The following CDKAL1 variants were observed in gnomAD, a reference collection of about 807,000 sequenced individuals.
The protein encoded by CDKAL1 is CDKAL1 threonylcarbamoyladenosine tRNA methylthiotransferase, also known as threonylcarbamoyladenosine tRNA methylthiotransferase.
In CDKAL1, 32 loss-of-function variants were observed where a neutral mutation model predicts 68.2. The observed-to-expected ratio is 0.47, with a 90% CI of 0.35 to 0.63. The LOEUF (loss-of-function observed/expected upper bound fraction) is 0.63. Among genes scored for constraint, CDKAL1 ranks in the 30% least tolerant of loss-of-function variants. The pLI is 0.00. For missense variants in CDKAL1, 606 were observed against 696.7 expected (o/e 0.87, Z 1.47); for synonymous variants, 234 against 244.3 (o/e 0.96, Z 0.39).
At chr6:21,202,687 T>C (rs1052030965) in intron 15 of CDKAL1, among the ~76,000 whole-genome samples, 2 of 152,218 alleles carry the variant, frequency 1.3e-5, no homozygotes, top group East Asian at 3.8e-4. Context: ...CATGTTTGCC[T>C]CTTGGAAAGG....
chr6:21,155,577 T>C (rs1776605154), intron 13 of CDKAL1, among the ~76,000 whole-genome samples: 1 of 152,212 alleles, frequency 6.6e-6, no homozygotes. Flanking sequence ...TGAAAGCTCT[T>C]TAAGAGCAGG....
chr6:20,900,693 A>T (rs573826078), intron 9 of CDKAL1, among the ~76,000 whole-genome samples: 1 of 152,216 alleles, frequency 6.6e-6, no homozygotes, highest in East Asian at 1.9e-4. Context: ...TTTTCATGCA[A>T]TCACCTTGTT....
At chr6:20,581,032 G>A (rs908242645) in intron 4 of CDKAL1, among the ~76,000 whole-genome samples, 1 of 152,074 alleles carries the variant, frequency 6.6e-6, no homozygotes. Context: ...CAGGTGATCC[G>A]CCCACCTTGG....
At chr6:20,609,175 A>G (rs1326459460) in intron 4 of CDKAL1, among the ~76,000 whole-genome samples, 1 of 151,880 alleles carries the variant, frequency 6.6e-6, no homozygotes, top group African/African-American at 2.4e-5. Flanking sequence ...GCAAGTATGT[A>G]TTTTTCGATT....
At chr6:20,965,514 A>G (rs2150744917) in intron 10 of CDKAL1, among the ~76,000 whole-genome samples, 1 of 152,258 alleles carries the variant, frequency 6.6e-6, no homozygotes, top group South Asian at 2.1e-4. Flanking sequence ...TTGAGGAAAA[A>G]TACTCTTTTA....
intron 5 of CDKAL1, among the ~76,000 whole-genome samples, chr6:20,650,107 C>G (rs13209457): frequency 0.23 from 35,047 of 152,050 alleles, 4,395 homozygotes; most frequent in African/African-American, 0.3. Flanking sequence ...ATCAAATGGC[C>G]TTTCTGGTTC....
intron 8 of CDKAL1, among the ~76,000 whole-genome samples, chr6:20,813,504 G>A (rs957753292): frequency 9.9e-5 from 15 of 152,038 alleles, no homozygotes; most frequent in African/African-American, 3.6e-4. Context: ...TGTACTTTTT[G>A]TGTTTCACAT....
chr6:20,899,485 C>G (rs967187137), intron 9 of CDKAL1, among the ~76,000 whole-genome samples: 12 of 152,174 alleles, frequency 7.9e-5, no homozygotes, highest in African/African-American at 2.4e-4. Context: ...CTTTTTAAAA[C>G]CACTTACTGG....
In CDKAL1 at chr6:21,201,289, C is replaced by A; in HGVS notation, c.1548+15C>A. On this transcript the variant is annotated intron_variant, in intron 15 of 15. Transcript: ENST00000274695. ...GTTTGACAAAGGTAAGTAAAAGATG[C>A]TCTCCTCTCTACCCTGCTAGTAAAA... 6.3e-7 allele frequency: 1 copy of A among 1,598,052 alleles called. No homozygotes were observed. Among genetic ancestry groups the A allele is most frequent in the South Asian group, 1.1e-5 (1 of 90,152 alleles).
intron 5 of CDKAL1, among the ~76,000 whole-genome samples, chr6:20,731,168 G>A (rs765116625): frequency 6.6e-6 from 1 of 152,218 alleles, no homozygotes; most frequent in Non-Finnish European, 1.5e-5. Context: ...GGTAGTTAGA[G>A]CTTCGTAGGC....
At chr6:20,636,154 A>G (rs1767895514) in intron 4 of CDKAL1, among the ~76,000 whole-genome samples, 1 of 152,096 alleles carries the variant, frequency 6.6e-6, no homozygotes, top group African/African-American at 2.4e-5. Flanking sequence ...TTCAGGGGAG[A>G]CAAGAGGGAC....
At chr6:20,959,548 C>CTT (rs752785251) in intron 10 of CDKAL1, among the ~76,000 whole-genome samples, 17 of 143,926 alleles carry the variant, frequency 1.2e-4, no homozygotes, top group African/African-American at 2.5e-4. Flanking sequence ...TCCTCTATAT[C>CTT]TTTTTTTTTT....
chr6:20,811,305 A>G (rs1365682123), intron 8 of CDKAL1, among the ~76,000 whole-genome samples: 1 of 152,216 alleles, frequency 6.6e-6, no homozygotes, highest in Non-Finnish European at 1.5e-5. Flanking sequence ...CTGACTTAAC[A>G]TTCTGCATTT....
At chr6:21,166,703 A>G (rs1270482210) in intron 13 of CDKAL1, among the ~76,000 whole-genome samples, 1 of 152,218 alleles carries the variant, frequency 6.6e-6, no homozygotes, top group African/African-American at 2.4e-5. Flanking sequence ...ATTTTGATTG[A>G]AAAGGAAAAT....
chr6:20,590,140 T>C (rs1249672685), intron 4 of CDKAL1, among the ~76,000 whole-genome samples: 1 of 152,148 alleles, frequency 6.6e-6, no homozygotes, highest in East Asian at 1.9e-4. Context: ...GTATTAACAG[T>C]TGTTAATACT....
chr6:20,987,408 C>A (rs918448800), intron 10 of CDKAL1, among the ~76,000 whole-genome samples: 2 of 152,006 alleles, frequency 1.3e-5, no homozygotes, highest in Admixed American at 1.3e-4. Flanking sequence ...GTGTGCACCA[C>A]CAAACCCAGC....
At chr6:20,610,248 A>T (rs1280991957) in intron 4 of CDKAL1, among the ~76,000 whole-genome samples, 3 of 152,168 alleles carry the variant, frequency 2.0e-5, no homozygotes, top group Non-Finnish European at 4.4e-5. Context: ...ATACACTTGC[A>T]TGTGTCTTTA....
chr6:20,763,881 T>C (rs1356500152), intron 7 of CDKAL1, among the ~76,000 whole-genome samples: 2 of 152,156 alleles, frequency 1.3e-5, no homozygotes, highest in Admixed American at 6.5e-5. Flanking sequence ...ACTCCATTCA[T>C]TTGTGGTTTT....
intron 8 of CDKAL1, among the ~76,000 whole-genome samples, chr6:20,821,598 T>C (rs1470504413): frequency 7.0e-6 from 1 of 142,910 alleles, no homozygotes; most frequent in African/African-American, 2.6e-5. Flanking sequence ...AGGGCAGGGA[T>C]TTTTCTATTT....
Sources: gnomAD v4.1 joint callset for allele counts (sites outside exome capture counted in the v4.1 genomes callset) on GRCh38, gnomAD v4.1.1 for gene constraint, MANE v1.5 for transcripts, NCBI Gene and HGNC (gene_info 2026-07-23, HGNC 2026-07-21) for gene names.